Variants in GPC5 observed in about 807,000 individuals in gnomAD.
GPC5 encodes glypican-5.
Under a neutral mutation model 53.9 loss-of-function variants are expected in GPC5, and 47 were observed. That is an observed-to-expected ratio of 0.87 (90% confidence interval 0.69 to 1.11). The LOEUF (loss-of-function observed/expected upper bound fraction) is 1.11. GPC5 is among the 50% of genes most tolerant of loss of function. The pLI, the probability that GPC5 is intolerant of heterozygous loss-of-function variation, is 0.00. For missense variants in GPC5, 748 were observed against 713.1 expected (o/e 1.05, Z -0.56); for synonymous variants, 286 against 263.3 (o/e 1.09, Z -0.84).
chr13:92,407,169 T>A (rs929871531), intron 7 of GPC5, among the ~76,000 whole-genome samples: 1 of 152,188 alleles, frequency 6.6e-6, no homozygotes, highest in South Asian at 2.1e-4. Flanking sequence ...ATTGAATTCA[T>A]CAACATTTCT....
chr13:92,197,673 T>G (rs1045966639), intron 7 of GPC5, among the ~76,000 whole-genome samples: 1 of 151,770 alleles, frequency 6.6e-6, no homozygotes, highest in African/African-American at 2.4e-5. Context: ...AATTTTTTTT[T>G]TTTTTTGTAT....
chr13:92,133,601 C>T (rs1399649751), intron 6 of GPC5, among the ~76,000 whole-genome samples: 1 of 152,156 alleles, frequency 6.6e-6, no homozygotes, highest in Non-Finnish European at 1.5e-5. Flanking sequence ...GGCATTGTAT[C>T]ATGATTAAAG....
At chr13:92,491,790 T>C (rs1879770767) in intron 7 of GPC5, among the ~76,000 whole-genome samples, 1 of 152,178 alleles carries the variant, frequency 6.6e-6, no homozygotes, top group Admixed American at 6.5e-5. Context: ...AAATTCAAAC[T>C]GTGTCAATTC....
rs142260669 is a variant in GPC5 at position 92,553,905 on chromosome 13, T to A, written c.1562-312377T>A. ...TCTACATACTTCATATTTAATGACA[T>A]CACACATTTATGATGGTGTCATTTG... is the stretch of plus-strand genomic sequence containing the variant. On this transcript the variant is annotated intron_variant, in intron 7 of 7. Transcript: ENST00000377067. 9.1e-4 allele frequency among the ~76,000 whole-genome samples: 138 copies of A among 152,100 alleles called. 2 individuals are homozygous for A. Among genetic ancestry groups the A allele is most frequent in the Non-Finnish European group, 8.8e-5 (6 of 67,924 alleles).
At chr13:92,630,879 T>A (rs1415590102) in intron 7 of GPC5, among the ~76,000 whole-genome samples, 2 of 152,216 alleles carry the variant, frequency 1.3e-5, no homozygotes, top group East Asian at 3.9e-4. Context: ...TCCTTTTTAG[T>A]CCCCTAATTT....
chr13:91,432,205 G>GCTGCTGCTGC (rs140790450), intron 1 of GPC5, among the ~76,000 whole-genome samples: 1 of 119,552 alleles, frequency 8.4e-6, no homozygotes, highest in African/African-American at 3.4e-5. Context: ...TGCTGCTGCT[G>GCTGCTGCTGC]TGTGTGTGTG....
At chr13:92,211,513 C>G (rs1265705308) in intron 7 of GPC5, among the ~76,000 whole-genome samples, 1 of 152,224 alleles carries the variant, frequency 6.6e-6, no homozygotes, top group Non-Finnish European at 1.5e-5. Flanking sequence ...AGAACCTGGC[C>G]TTAGCCAAGC....
At chr13:91,968,392 A>G (rs1002102582) in intron 6 of GPC5, among the ~76,000 whole-genome samples, 1 of 152,150 alleles carries the variant, frequency 6.6e-6, no homozygotes, top group African/African-American at 2.4e-5. Context: ...TTAAATTGCA[A>G]CTCAACTGTG....
chr13:91,791,491 G>A (rs998290227), intron 5 of GPC5, among the ~76,000 whole-genome samples: 43 of 152,172 alleles, frequency 2.8e-4, no homozygotes, highest in Admixed American at 6.5e-5. Flanking sequence ...TGCTTGCATG[G>A]TGGAAATGAA....
chr13:92,410,724 A>T (rs904210476), intron 7 of GPC5, among the ~76,000 whole-genome samples: 1 of 152,238 alleles, frequency 6.6e-6, no homozygotes, highest in African/African-American at 2.4e-5. Context: ...AACTTGAGTT[A>T]AAAACCGGAT....
rs150947812 is a variant in GPC5, at chr13:92,816,188, C to T, written c.1562-50094C>T. ...ACACTTTCTCAATGTGTCTGTTATA[C>T]ATAATTTTCATTCTGTTTTACTTCA... On this transcript the variant is annotated intron_variant, in intron 7 of 7. Coordinates refer to ENST00000377067, the MANE Select transcript of GPC5 (RefSeq NM_004466.6). 7.9e-5 allele frequency among the ~76,000 whole-genome samples: 12 copies of T among 152,094 alleles called. No homozygotes were observed. In the East Asian group the frequency reaches 2.3e-3, roughly 29 times the overall value.
chr13:91,975,330 C>G lies in GPC5; in HGVS notation c.1401+67273C>G, dbSNP rs369640877. 1.1e-4 allele frequency among the ~76,000 whole-genome samples: 17 copies of G among 152,156 alleles called. No individual in the cohort carries two copies. In the East Asian group the frequency reaches 1.5e-3, roughly 14 times the overall value. On this transcript the variant is annotated intron_variant, in intron 6 of 7. Coordinates refer to ENST00000377067, the MANE Select transcript of GPC5 (RefSeq NM_004466.6). Reference sequence around the variant, plus strand: ...AAAGAAACTACCGTCAGAGTGAACACGCAACCTACAAAATGGGAGAAAATT... The same window carrying G: ...AAAGAAACTACCGTCAGAGTGAACAGGCAACCTACAAAATGGGAGAAAATT...
At chr13:92,836,754 T>C (rs1429805974) in intron 7 of GPC5, among the ~76,000 whole-genome samples, 1 of 152,082 alleles carries the variant, frequency 6.6e-6, no homozygotes, top group Non-Finnish European at 1.5e-5. Flanking sequence ...AACTGATCAT[T>C]GTAGAGAGGC....
At chr13:92,729,689 T>C (rs1888749353) in intron 7 of GPC5, among the ~76,000 whole-genome samples, 1 of 151,422 alleles carries the variant, frequency 6.6e-6, no homozygotes, top group East Asian at 1.9e-4. Context: ...GTATTTGATG[T>C]TGATTGACAT....
At chr13:92,459,584 T>C (rs1316236782) in intron 7 of GPC5, among the ~76,000 whole-genome samples, 3 of 152,204 alleles carry the variant, frequency 2.0e-5, no homozygotes, top group African/African-American at 7.2e-5. Context: ...ATGAGAAATC[T>C]GTTGCAGGGA....
At chr13:92,036,678 A>T (rs971221584) in intron 6 of GPC5, among the ~76,000 whole-genome samples, 1 of 152,160 alleles carries the variant, frequency 6.6e-6, no homozygotes, top group African/African-American at 2.4e-5. Context: ...CAAAGTAGTA[A>T]CTCACACTTA....
At chr13:91,581,125 A>G (rs2032344845) in intron 2 of GPC5, among the ~76,000 whole-genome samples, 1 of 152,170 alleles carries the variant, frequency 6.6e-6, no homozygotes, top group East Asian at 1.9e-4. Context: ...GGTCCCTCCC[A>G]TCACACATGG....
intron 2 of GPC5, among the ~76,000 whole-genome samples, chr13:91,586,582 A>G (rs1466717855): frequency 1.6e-5 from 2 of 121,664 alleles, no homozygotes; most frequent in African/African-American, 6.2e-5. Flanking sequence ...AGAGAGAGAG[A>G]GAGAGAGAGG....
chr13:92,683,125 T>C (rs570060034), intron 7 of GPC5, among the ~76,000 whole-genome samples: 1 of 152,168 alleles, frequency 6.6e-6, no homozygotes, highest in South Asian at 2.1e-4. Context: ...TTGGGGTCTT[T>C]AGAGATGGCG....
Sources: allele counts gnomAD v4.1 joint callset (sites outside exome capture counted in the v4.1 genomes callset), GRCh38; gene constraint gnomAD v4.1.1; transcripts MANE v1.5; gene names NCBI Gene and HGNC (gene_info 2026-07-23, HGNC 2026-07-21).